The following COL5A1 variants were observed in gnomAD, a reference collection of about 807,000 sequenced individuals.
The protein encoded by COL5A1 is collagen alpha-1(V) chain.
COL5A1 carries 16 observed loss-of-function variants against 263.7 expected under a neutral mutation model. The observed-to-expected ratio is 0.06, with a 90% CI of 0.04 to 0.09. The LOEUF is 0.09. Ranked by LOEUF, COL5A1 falls within the 10% of genes least tolerant of loss-of-function variation. COL5A1 has a pLI of 1.00. For missense variants in COL5A1, 2,036 were observed against 2,540.5 expected, an observed-to-expected ratio of 0.80 and a Z score of 4.27; for synonymous variants, 1,012 against 1,004.5, an observed-to-expected ratio of 1.01 and a Z score of -0.14.
At position 134,727,532 on chromosome 9, in the gene COL5A1, A is replaced by G. The variant is rs2132633168; in HGVS notation, c.786+135A>G. ...GAGAATTTGGAGGGACCTAGGAGGTAAACATTGGGATATCTGACTCACTTT... is the reference window on the plus strand; with the variant it reads ...GAGAATTTGGAGGGACCTAGGAGGTGAACATTGGGATATCTGACTCACTTT... On this transcript the variant is annotated intron_variant, in intron 5 of 65. Transcript: ENST00000371817. The G allele has an allele frequency of 1.1e-6, 1 of 942,502 alleles. No homozygotes were observed. Among genetic ancestry groups the G allele is most frequent in the Non-Finnish European group, 1.7e-6 (1 of 596,662 alleles). 58.4% of individuals were successfully genotyped at this position (942,502 alleles called of 1,614,324 possible).
chr9:134,749,883 G>A (rs763510425), intron 11 of COL5A1, among the ~76,000 whole-genome samples: 1 of 152,246 alleles, frequency 6.6e-6, no homozygotes, highest in Non-Finnish European at 1.5e-5. Context: ...GTGGTCTGAA[G>A]CTGGCTGGAA....
chr9:134,774,977 G>A lies in COL5A1; in HGVS notation c.2385+65G>A, dbSNP rs371186009. 24 of 1,480,398 alleles carry A rather than the reference G, an allele frequency of 1.6e-5. No individual in the cohort carries two copies. The South Asian group carries it at 2.2e-4, about 14-fold the overall frequency. The allele number at this position is 1,480,398 out of a possible 1,614,324, so 91.7% of individuals were successfully genotyped here. ...CAGGGTTGGGACTGTGGGCCTTGGC[G>A]TGGCTGGTTTTAGGGAATTCTCTGT... On this transcript the variant is annotated intron_variant, in intron 27 of 65. Coordinates refer to ENST00000371817, the MANE Select transcript of COL5A1 (RefSeq NM_000093.5).
chr9:134,713,386 C>T (rs1269273842), intron 4 of COL5A1, among the ~76,000 whole-genome samples: 7 of 152,212 alleles, frequency 4.6e-5, no homozygotes, highest in Non-Finnish European at 8.8e-5. Context: ...GGGCTGTGTG[C>T]GCTCCACAGA....
intron 7 of COL5A1, among the ~76,000 whole-genome samples, chr9:134,730,941 C>T (rs1834857126): frequency 6.6e-6 from 1 of 152,178 alleles, no homozygotes; most frequent in Non-Finnish European, 1.5e-5. Context: ...AGCAGACAGG[C>T]CTGAAAGCTC....
chr9:134,711,611 G>A (rs903715478), intron 4 of COL5A1, among the ~76,000 whole-genome samples: 1 of 152,128 alleles, frequency 6.6e-6, no homozygotes, highest in African/African-American at 2.4e-5. Flanking sequence ...GAGAGGTAAA[G>A]CCACCTGCCC....
At chr9:134,790,707 G>A (rs1390390704) in intron 32 of COL5A1, among the ~76,000 whole-genome samples, 1 of 149,668 alleles carries the variant, frequency 6.7e-6, no homozygotes, top group Non-Finnish European at 1.5e-5. Context: ...CTCTCCATCT[G>A]TCTCTATCCA....
chr9:134,689,736 C>A (rs1224819348), intron 1 of COL5A1, among the ~76,000 whole-genome samples: 1 of 152,232 alleles, frequency 6.6e-6, no homozygotes, highest in African/African-American at 2.4e-5. Context: ...CGGTGTCATG[C>A]TCTGATTGGC....
At position 134,682,986 on chromosome 9, in the gene COL5A1, C is replaced by T. The variant is rs1283616320; in HGVS notation, c.110-7926C>T. On this transcript the variant is annotated intron_variant, in intron 1 of 65. Coordinates refer to ENST00000371817, the MANE Select transcript of COL5A1 (RefSeq NM_000093.5). This position sits in a 1 kb window ranked among gnomAD's most constrained non-coding sequence, Gnocchi z 5.1. ...TTAGAGAAAAAGATCCAATGCAGACCCCAGCAGGCCTCGTAGGAGCGTGCG... is the reference window on the plus strand; with the variant it reads ...TTAGAGAAAAAGATCCAATGCAGACTCCAGCAGGCCTCGTAGGAGCGTGCG... Among the ~76,000 whole-genome samples, 5 of 152,150 alleles carry T rather than the reference C, an allele frequency of 3.3e-5. No individual in the cohort carries two copies. Among genetic ancestry groups the T allele is most frequent in the Admixed American group, 3.3e-4 (5 of 15,276 alleles).
In COL5A1 at chr9:134,805,177, A is replaced by C. The variant is rs1304030944; in HGVS notation, c.3221A>C (p.Lys1074Thr). 6.2e-7 allele frequency: 1 copy of C among 1,614,010 alleles called. No homozygotes were observed. Among genetic ancestry groups the C allele is most frequent in the East Asian group, 2.2e-5 (1 of 44,864 alleles). ...LPGPVGALGL[K>T]GNEGPPGPPG... ...GCTTTGCAGGGAGCTCTTGGACTGA[A>C]AGGCAATGAAGGGCCCCCTGGCCCA... The change falls in exon 41 of 66, where the codon AAA becomes ACA. Residue 1074 changes from lysine (K) to threonine (T), a missense_variant. By Grantham distance (78) the Lys-to-Thr change is moderately conservative (BLOSUM62 -1). Around this residue, in one of 3 missense-constraint regions of COL5A1, gnomAD observed 1,078 missense variants for 1,521.4 expected, o/e 0.71. Transcript: ENST00000371817.
intron 1 of COL5A1, among the ~76,000 whole-genome samples, chr9:134,660,947 T>C (rs1832183748): frequency 1.3e-5 from 2 of 152,102 alleles, no homozygotes; most frequent in African/African-American, 4.8e-5. Context: ...AGAGAATTGC[T>C]ATGTTTTGAA....
chr9:134,650,977 G>A (rs918950755), intron 1 of COL5A1, among the ~76,000 whole-genome samples: 2 of 152,232 alleles, frequency 1.3e-5, no homozygotes, highest in Non-Finnish European at 2.9e-5. Flanking sequence ...GTGCAGGTCC[G>A]TACAGTCACA....
chr9:134,756,219 C>G (rs1244009831), intron 16 of COL5A1, among the ~76,000 whole-genome samples: 1 of 152,190 alleles, frequency 6.6e-6, no homozygotes, highest in African/African-American at 2.4e-5. Flanking sequence ...AACAGGGCAT[C>G]TGCTCACCGT....
chr9:134,805,764 C>A (rs935391475), intron 41 of COL5A1, among the ~76,000 whole-genome samples: 11 of 151,792 alleles, frequency 7.2e-5, no homozygotes, highest in Admixed American at 4.6e-4. Context: ...GGCATGGGGG[C>A]CCTGGAGGGG....
At chr9:134,798,224 A>G (rs1837985397) in intron 36 of COL5A1, among the ~76,000 whole-genome samples, 184 bp from the exon 37 acceptor site, 1 of 152,240 alleles carries the variant, frequency 6.6e-6, no homozygotes, top group Non-Finnish European at 1.5e-5. Flanking sequence ...GAGGACAGGC[A>G]GGAGCCAAGG....
At position 134,642,250 on chromosome 9, in the gene COL5A1, C is replaced by T. The variant is rs1831315694; in HGVS notation, c.63C>T (p.Pro21=). The T allele has an allele frequency of 2.1e-5, 27 of 1,278,596 alleles. No homozygotes were observed. The highest frequency in any genetic ancestry group is 2.7e-5 in the Non-Finnish European group (27 of 1,006,536). 79.2% of individuals were successfully genotyped at this position (1,278,596 alleles called of 1,614,324 possible). A position where few individuals can be genotyped will look rare whatever the true frequency, so the allele number is the denominator to read the frequency against. Residue 21 remains proline (P), a synonymous_variant, in exon 1 of 66, where the codon CCC becomes CCT. Transcript: ENST00000371817. The surrounding 1 kb of genome is among the most constrained non-coding windows in gnomAD (Gnocchi z 4.5). Reference sequence around the variant, plus strand: ...TCCGCCCGGGCGCCCCGCTGCTGCCCCCGCTGCTGCTGCTGCTGCTGTGGG... The same window carrying T: ...TCCGCCCGGGCGCCCCGCTGCTGCCTCCGCTGCTGCTGCTGCTGCTGTGGG... ...SALRPGAPLL[P]PLLLLLLWAP... is the part of the protein sequence containing the mutation.
intron 25 of COL5A1, among the ~76,000 whole-genome samples, chr9:134,771,479 C>T (rs1437516839): frequency 6.6e-6 from 1 of 152,222 alleles, no homozygotes; most frequent in Non-Finnish European, 1.5e-5. Flanking sequence ...AAGCCTCCCT[C>T]AAGGGGAACT....
intron 18 of COL5A1, 122 bp from the exon 19 acceptor site, chr9:134,761,803 G>A: frequency 6.0e-6 from 6 of 1,000,326 alleles, no homozygotes; most frequent in Non-Finnish European, 4.8e-6. Flanking sequence ...CCCCATTCTG[G>A]AAGGGTCTTT....
At position 134,680,781 on chromosome 9, in the gene COL5A1, G is replaced by A. The variant is rs1419030616; in HGVS notation, c.110-10131G>A. Among the ~76,000 whole-genome samples, 10 of 152,232 alleles carry A rather than the reference G, an allele frequency of 6.6e-5. No individual in the cohort carries two copies. Among genetic ancestry groups the A allele is most frequent in the Admixed American group, 6.5e-5 (1 of 15,290 alleles). On this transcript the variant is annotated intron_variant, in intron 1 of 65. Transcript: ENST00000371817. The surrounding 1 kb of genome is among the most constrained non-coding windows in gnomAD (Gnocchi z 5.9). Reference sequence around the variant, plus strand: ...GAAAATTCCACAGGGGCAGAAGGACGGGTGAGGGCCGGGACTTTGACATCA... The same window carrying A: ...GAAAATTCCACAGGGGCAGAAGGACAGGTGAGGGCCGGGACTTTGACATCA...
Position 134,758,403 on chromosome 9 carries a change from C to T in COL5A1, c.1935+107C>T. On this transcript the variant is annotated intron_variant, in intron 18 of 65. Transcript: ENST00000371817. The surrounding 1 kb of genome is among the most constrained non-coding windows in gnomAD (Gnocchi z 4.1). The stretch of plus-strand genomic sequence containing the variant: ...CCTCAGATTTCCTGTGGGGTCAGGT[C>T]TCCGCCATTCCAACAGTCAGTATAC... The T allele has an allele frequency of 9.0e-7, 1 of 1,113,022 alleles. No individual in the cohort carries two copies. The highest frequency in any genetic ancestry group is 1.4e-6 in the Non-Finnish European group (1 of 738,476). The allele number at this position is 1,113,022 out of a possible 1,614,324, so 68.9% of individuals were successfully genotyped here. A position where few individuals can be genotyped will look rare whatever the true frequency, so the allele number is the denominator to read the frequency against.
Sources: gnomAD v4.1 joint callset for allele counts (sites outside exome capture counted in the v4.1 genomes callset) on GRCh38, gnomAD v4.1.1 for gene constraint, gnomAD v4.1.1 regional missense constraint, Gnocchi (gnomAD v3.1) non-coding constraint, MANE v1.5 for transcripts, NCBI Gene and HGNC (gene_info 2026-07-23, HGNC 2026-07-21) for gene names.